Variants in GRM1 observed in about 807,000 individuals in gnomAD.
GRM1 encodes the protein glutamate metabotropic receptor 1.
In GRM1, 33 loss-of-function variants were observed where a neutral mutation model predicts 90.9. The ratio of observed to expected loss-of-function variants is 0.36; its 90% CI spans 0.28 to 0.49. The LOEUF (loss-of-function observed/expected upper bound fraction) is 0.49. Ranked by LOEUF, GRM1 falls within the 20% of genes least tolerant of loss-of-function variation. GRM1 has a pLI of 0.99. For synonymous variants in GRM1, 700 were observed against 613.2 expected (o/e 1.14, Z -2.09); for missense variants, 1,190 against 1,534.3 (o/e 0.78, Z 3.75).
intron 5 of GRM1, among the ~76,000 whole-genome samples, chr6:146,364,440 A>G (rs1389327415): frequency 6.6e-6 from 1 of 152,212 alleles, no homozygotes; most frequent in African/African-American, 2.4e-5. Flanking sequence ...CTGGCATATC[A>G]TGATCCTGTC....
At chr6:146,091,049 T>C (rs1776698382) in intron 1 of GRM1, among the ~76,000 whole-genome samples, 2 of 152,098 alleles carry the variant, frequency 1.3e-5, no homozygotes, top group South Asian at 4.1e-4. Context: ...GTCTTTCTAT[T>C]CTGCTCCCCC....
chr6:146,172,900 C>T (rs1778189546), intron 2 of GRM1, among the ~76,000 whole-genome samples: 1 of 152,074 alleles, frequency 6.6e-6, no homozygotes, highest in African/African-American at 2.4e-5. Flanking sequence ...TAGAGAAATA[C>T]TAACTGATAA....
At chr6:146,432,530 A>G (rs1422151813) in intron 7 of GRM1, among the ~76,000 whole-genome samples, 1 of 152,212 alleles carries the variant, frequency 6.6e-6, no homozygotes, top group African/African-American at 2.4e-5. Context: ...CCAAACAAAA[A>G]CTAGAATATG....
At chr6:146,215,461 C>A (rs985075273) in intron 2 of GRM1, among the ~76,000 whole-genome samples, 1 of 151,968 alleles carries the variant, frequency 6.6e-6, no homozygotes, top group African/African-American at 2.4e-5. Flanking sequence ...TAGCTGCCTC[C>A]CCAAAAAACT....
intron 2 of GRM1, among the ~76,000 whole-genome samples, chr6:146,266,741 C>G (rs920238042): frequency 6.6e-6 from 1 of 152,226 alleles, no homozygotes. Flanking sequence ...CGCGTGCTAA[C>G]GAAGGGCTCT....
At chr6:146,247,156 C>T (rs936944457) in intron 2 of GRM1, among the ~76,000 whole-genome samples, 2 of 152,158 alleles carry the variant, frequency 1.3e-5, no homozygotes, top group Non-Finnish European at 1.5e-5. Context: ...AGTAGGCAGC[C>T]GTGTTTACAT....
At chr6:146,361,335 C>G (rs1345343695) in intron 5 of GRM1, among the ~76,000 whole-genome samples, 1 of 152,132 alleles carries the variant, frequency 6.6e-6, no homozygotes, top group Non-Finnish European at 1.5e-5. Context: ...TGCTGATAGC[C>G]AAGGGCCCAA....
At chr6:146,374,735 TTTTA>T (rs1166408142) in intron 5 of GRM1, among the ~76,000 whole-genome samples, 2 of 152,080 alleles carry the variant, frequency 1.3e-5, no homozygotes, top group African/African-American at 4.8e-5. Context: ...CATTTCTGAT[TTTTA>T]TTTATTTGGA....
At chr6:146,038,592 A>C (rs1289718077) in intron 1 of GRM1, among the ~76,000 whole-genome samples, 1 of 151,996 alleles carries the variant, frequency 6.6e-6, no homozygotes, top group African/African-American at 2.4e-5. Flanking sequence ...AGATGTGAAA[A>C]TAAAGAGGGA....
chr6:146,260,673 C>T (rs73577130), intron 2 of GRM1, among the ~76,000 whole-genome samples: 8,085 of 152,048 alleles, frequency 0.053, 705 homozygotes, highest in African/African-American at 0.18. Flanking sequence ...GAAGTTGTAT[C>T]TCATCTCCGT....
In GRM1 at chr6:146,132,217, A is replaced by C. The variant is rs146885012; in HGVS notation, c.701-27131A>C. Among the ~76,000 whole-genome samples the C allele has an allele frequency of 1.6e-4, 24 of 152,252 alleles. No individual in the cohort carries two copies. The Middle Eastern group carries it at 0.014, about 86-fold the overall frequency. Reference sequence around the variant, plus strand: ...TCTGAGCCAGTAAATAATTTGATCCAATTATGTTTAAGATAGCTATGATTT... The same window carrying C: ...TCTGAGCCAGTAAATAATTTGATCCCATTATGTTTAAGATAGCTATGATTT... On this transcript the variant is annotated intron_variant, in intron 1 of 7. Coordinates refer to ENST00000282753, the MANE Select transcript of GRM1 (RefSeq NM_001278064.2).
chr6:146,081,499 G>A (rs79350760), intron 1 of GRM1, among the ~76,000 whole-genome samples: 1,953 of 152,216 alleles, frequency 0.013, 43 homozygotes, highest in African/African-American at 0.044. Flanking sequence ...GACATGTCAC[G>A]GCAAGAGTGG....
At chr6:146,291,192 T>C (rs1782968628) in intron 2 of GRM1, among the ~76,000 whole-genome samples, 1 of 152,106 alleles carries the variant, frequency 6.6e-6, no homozygotes, top group African/African-American at 2.4e-5. Context: ...TTGCATATCA[T>C]GTTATTTTCA....
chr6:146,095,042 G>T (rs1331135809), intron 1 of GRM1, among the ~76,000 whole-genome samples: 1 of 152,146 alleles, frequency 6.6e-6, no homozygotes, highest in Non-Finnish European at 1.5e-5. Flanking sequence ...GCACTAATAT[G>T]AATGTATATG....
At chr6:146,371,893 T>C (rs1489606481) in intron 5 of GRM1, among the ~76,000 whole-genome samples, 7 of 152,150 alleles carry the variant, frequency 4.6e-5, no homozygotes, top group Admixed American at 2.0e-4. Context: ...CTTCCAAATC[T>C]TAGCTATTAG....
At chr6:146,096,185 G>C (rs1776868461) in intron 1 of GRM1, among the ~76,000 whole-genome samples, 1 of 152,014 alleles carries the variant, frequency 6.6e-6, no homozygotes, top group Non-Finnish European at 1.5e-5. Flanking sequence ...AGATATATTT[G>C]ATTTTATAAA....
At chr6:146,271,687 C>T (rs1782168456) in intron 2 of GRM1, among the ~76,000 whole-genome samples, 1 of 152,126 alleles carries the variant, frequency 6.6e-6, no homozygotes, top group African/African-American at 2.4e-5. Flanking sequence ...AATTTCTAGC[C>T]TTGTTTGTAG....
At chr6:146,153,008 A>T (rs1276319209) in intron 1 of GRM1, among the ~76,000 whole-genome samples, 2 of 152,136 alleles carry the variant, frequency 1.3e-5, no homozygotes, top group Non-Finnish European at 2.9e-5. Flanking sequence ...GCAGAATGGG[A>T]TTGGGGAAAG....
At chr6:146,281,537 G>A (rs1782567921) in intron 2 of GRM1, among the ~76,000 whole-genome samples, 1 of 152,154 alleles carries the variant, frequency 6.6e-6, no homozygotes, top group South Asian at 2.1e-4. Context: ...AAGTATTAAA[G>A]CAATTTGAAA....
Sources: allele counts gnomAD v4.1 joint callset (sites outside exome capture counted in the v4.1 genomes callset), GRCh38; gene constraint gnomAD v4.1.1; transcripts MANE v1.5; gene names NCBI Gene and HGNC (gene_info 2026-07-23, HGNC 2026-07-21).